Variants in RNLS observed in about 807,000 individuals in gnomAD.
The protein encoded by RNLS is renalase, FAD dependent amine oxidase.
A neutral mutation model predicts 39.8 loss-of-function variants in RNLS; 39 were observed. That is an observed-to-expected ratio of 0.98 (90% CI 0.76 to 1.28). RNLS has a LOEUF of 1.28. Ranked by LOEUF, RNLS falls within the 50% of genes most tolerant of loss-of-function variation. The probability of loss-of-function intolerance (pLI) is 0.00; values close to 1 mark genes in which losing one functional copy is unlikely to be tolerated. For synonymous variants in RNLS, 147 were observed against 150.7 expected (o/e 0.98, Z 0.18); for missense variants, 410 against 413.3 (o/e 0.99, Z 0.07).
At chr10:88,285,560 C>T (rs1843202393) in intron 6 of RNLS, 54 bp from the exon 7 acceptor site, 2 of 1,463,580 alleles carry the variant, frequency 1.4e-6, no homozygotes, top group African/African-American at 2.8e-5. Context: ...ATTGTGCTGT[C>T]ATGGCAACAC....
intron 4 of RNLS, among the ~76,000 whole-genome samples, chr10:88,419,680 G>T (rs1854265958): frequency 6.6e-6 from 1 of 152,066 alleles, no homozygotes; most frequent in Non-Finnish European, 1.5e-5. Flanking sequence ...TCTTCCTCAT[G>T]ATTCCTTTCT....
chr10:88,550,886 A>G (rs1848573755), intron 4 of RNLS, among the ~76,000 whole-genome samples: 1 of 152,194 alleles, frequency 6.6e-6, no homozygotes, highest in South Asian at 2.1e-4. Context: ...TACAGAGGAG[A>G]AAGATGAAGT....
At chr10:88,174,690 C>T in the RNLS span, among the ~76,000 whole-genome samples, 10 of 152,168 alleles carry the variant, frequency 6.6e-5, no homozygotes, top group East Asian at 3.9e-4. Context: ...TTTGCAGCTA[C>T]GTTCATCAGG....
chr10:88,534,019 G>C (rs938863244), intron 4 of RNLS, among the ~76,000 whole-genome samples: 3 of 152,146 alleles, frequency 2.0e-5, no homozygotes, highest in Admixed American at 2.0e-4. Flanking sequence ...AGAAGGAAGA[G>C]AAGGTGTGAT....
intron 3 of RNLS, among the ~76,000 whole-genome samples, chr10:88,581,294 G>GTGTATATATATATATATA (rs1376395535): frequency 3.2e-4 from 41 of 129,848 alleles, no homozygotes; most frequent in African/African-American, 9.2e-4. Context: ...GTGTGTGTGT[G>GTGTATATATATATATATA]TATATATATA....
intron 4 of RNLS, among the ~76,000 whole-genome samples, chr10:88,475,527 A>C (rs369113282): frequency 1.3e-5 from 2 of 152,124 alleles, no homozygotes; most frequent in South Asian, 4.1e-4. Context: ...TCTAACTTCT[A>C]TTAGCAGCAT....
chr10:88,337,724 C>T (rs1269299904), intron 5 of RNLS, among the ~76,000 whole-genome samples: 1 of 152,142 alleles, frequency 6.6e-6, no homozygotes. Flanking sequence ...TAGCTTTACT[C>T]CTGGATTTTT....
At chr10:88,555,209 T>C (rs899748811) in intron 4 of RNLS, among the ~76,000 whole-genome samples, 1 of 152,144 alleles carries the variant, frequency 6.6e-6, no homozygotes, top group Non-Finnish European at 1.5e-5. Context: ...ACTGTCTCGG[T>C]GTCCTCCCTT....
At chr10:88,273,970 G>A (rs769134824) in exon 7 of RNLS, 23 of 152,104 alleles carry the variant, frequency 1.5e-4, no homozygotes, top group Non-Finnish European at 2.9e-4. Flanking sequence ...TACACATTTT[G>A]ATTACTCATG....
intron 4 of RNLS, among the ~76,000 whole-genome samples, chr10:88,560,377 G>T (rs1390505704): frequency 1.3e-5 from 2 of 151,964 alleles, no homozygotes; most frequent in South Asian, 4.1e-4. Context: ...AGGAAAAGGT[G>T]TTAGCCAACA....
chr10:88,348,992 T>G (rs1418093867), intron 5 of RNLS, among the ~76,000 whole-genome samples: 1 of 152,110 alleles, frequency 6.6e-6, no homozygotes, highest in Non-Finnish European at 1.5e-5. Context: ...CTTACTTCCT[T>G]CAGAATTTCT....
chr10:88,488,053 G>A (rs911908322), intron 4 of RNLS, among the ~76,000 whole-genome samples: 9 of 152,112 alleles, frequency 5.9e-5, no homozygotes, highest in African/African-American at 2.2e-4. Context: ...CAGATCCGTG[G>A]TTACCTGAGG....
chr10:88,343,457 A>G, intron 5 of RNLS: 1 of 782,274 alleles, frequency 1.3e-6, no homozygotes, highest in Non-Finnish European at 1.6e-6. Flanking sequence ...GTTCAGAATA[A>G]TGAAAGTAGG....
chr10:88,320,520 A>G (rs1293432964), intron 5 of RNLS, among the ~76,000 whole-genome samples: 1 of 148,862 alleles, frequency 6.7e-6, no homozygotes, highest in Non-Finnish European at 1.5e-5. Context: ...TAAAAAAAAC[A>G]AGACCCAACC....
chr10:88,547,800 A>C (rs1026923392), intron 4 of RNLS, among the ~76,000 whole-genome samples: 4 of 152,228 alleles, frequency 2.6e-5, no homozygotes, highest in Non-Finnish European at 4.4e-5. Flanking sequence ...AAATAATGAT[A>C]AATTGGTGTT....
At chr10:88,390,448 A>C (rs1703003057) in intron 4 of RNLS, among the ~76,000 whole-genome samples, 1 of 152,212 alleles carries the variant, frequency 6.6e-6, no homozygotes, top group Non-Finnish European at 1.5e-5. Context: ...CAATCCCCCA[A>C]AGTGTCTGCA....
chr10:88,243,579 G>C, the RNLS span, among the ~76,000 whole-genome samples: 1 of 152,122 alleles, frequency 6.6e-6, no homozygotes, highest in African/African-American at 2.4e-5. Context: ...CCAAAAATCA[G>C]GGCATCGATA....
intron 4 of RNLS, among the ~76,000 whole-genome samples, chr10:88,391,636 T>A (rs1774973): frequency 0.45 from 67,521 of 151,570 alleles, 15,081 homozygotes; most frequent in Non-Finnish European, 0.46. Context: ...TTAAAAATAT[T>A]TGTTATTAAA....
intron 4 of RNLS, among the ~76,000 whole-genome samples, chr10:88,452,139 C>A (rs1180851088): frequency 1.3e-5 from 2 of 152,204 alleles, no homozygotes; most frequent in African/African-American, 4.8e-5. Flanking sequence ...TTGGCTCTCA[C>A]AATTATTACT....
Sources: gnomAD v4.1 joint callset for allele counts (sites outside exome capture counted in the v4.1 genomes callset) on GRCh38, gnomAD v4.1.1 for gene constraint, MANE v1.5 for transcripts, NCBI Gene and HGNC (gene_info 2026-07-23, HGNC 2026-07-21) for gene names.